The following ZFHX4 variants were observed in gnomAD, a reference collection of about 807,000 sequenced individuals.
ZFHX4 encodes the protein zinc finger homeobox protein 4.
A neutral mutation model predicts 267.6 loss-of-function variants in ZFHX4; 56 were observed. That is an observed-to-expected ratio of 0.21 (90% CI 0.17 to 0.26). The LOEUF (loss-of-function observed/expected upper bound fraction) is 0.26. Among genes scored for constraint, ZFHX4 ranks in the 10% least tolerant of loss-of-function variants. The pLI is 1.00. For missense variants in ZFHX4, 4,332 were observed against 4,420.0 expected, an observed-to-expected ratio of 0.98 and a Z score of 0.56; for synonymous variants, 1,778 against 1,665.6, an observed-to-expected ratio of 1.07 and a Z score of -1.64.
At chr8:76,719,560 A>G (rs956690534) in intron 3 of ZFHX4, among the ~76,000 whole-genome samples, 2 of 152,118 alleles carry the variant, frequency 1.3e-5, no homozygotes, top group Non-Finnish European at 2.9e-5. Flanking sequence ...ACCTTGGAGT[A>G]GATATGCTTT....
chr8:76,718,483 T>G (rs1463776264), intron 3 of ZFHX4, among the ~76,000 whole-genome samples: 1 of 152,154 alleles, frequency 6.6e-6, no homozygotes, highest in Non-Finnish European at 1.5e-5. Flanking sequence ...TTGGATGGAA[T>G]AGAAGTACCA....
intron 3 of ZFHX4, among the ~76,000 whole-genome samples, chr8:76,710,508 T>C (rs1367819134): frequency 2.0e-5 from 3 of 152,186 alleles, no homozygotes; most frequent in South Asian, 2.1e-4. Context: ...AAAATGATGG[T>C]GAAAATATTA....
At chr8:76,721,715 C>T (rs1585881833) in intron 3 of ZFHX4, among the ~76,000 whole-genome samples, 2 of 152,152 alleles carry the variant, frequency 1.3e-5, no homozygotes, top group South Asian at 4.1e-4. Context: ...TTCTGATTTG[C>T]AGAACTTTGA....
intron 4 of ZFHX4, among the ~76,000 whole-genome samples, chr8:76,808,204 A>G (rs1811291914): frequency 6.6e-6 from 1 of 152,126 alleles, no homozygotes; most frequent in African/African-American, 2.4e-5. Context: ...TTTACTAGTC[A>G]ATTGTTCAAA....
rs552710409 is a variant in ZFHX4 at position 76,848,882 on chromosome 8, G to A, written c.3512-113G>A. 9 of 1,010,708 alleles carry A rather than the reference G, an allele frequency of 8.9e-6. No homozygotes were observed. In the South Asian group the frequency reaches 1.4e-4, roughly 16 times the overall value. 62.6% of individuals were successfully genotyped at this position (1,010,708 alleles called of 1,614,324 possible). ...ATTAGCATTATTTAAAATGCTTGTCGGTTCTTTTTGTGATTCAGTGTGTTT... is the reference window on the plus strand; with the variant it reads ...ATTAGCATTATTTAAAATGCTTGTCAGTTCTTTTTGTGATTCAGTGTGTTT... On this transcript the variant is annotated intron_variant, in intron 6 of 10. Transcript: ENST00000651372.
At chr8:76,712,425 C>A (rs527725086) in intron 3 of ZFHX4, among the ~76,000 whole-genome samples, 3 of 151,638 alleles carry the variant, frequency 2.0e-5, no homozygotes, top group South Asian at 2.1e-4. Context: ...AAATAATAAC[C>A]CGATCAGTTT....
Position 76,851,862 on chromosome 8 carries a change from G to A in ZFHX4, c.4941G>A (p.Gln1647=). 6.2e-7 allele frequency: 1 copy of A among 1,613,960 alleles called. No individual in the cohort carries two copies. The highest frequency in any genetic ancestry group is 8.5e-7 in the Non-Finnish European group (1 of 1,179,868). ...SIAANVNSPG[Q]GMLDSMSLAA... ...CAGCAAATGTCAACAGCCCTGGCCA[G>A]GGGATGTTAGATTCCATGAGTTTAG... The change falls in exon 10 of 11, where the codon CAG becomes CAA. Residue 1647 remains glutamine (Q), a synonymous_variant. Transcript: ENST00000651372.
chr8:76,800,920 C>A (rs1811102092), intron 4 of ZFHX4, among the ~76,000 whole-genome samples: 1 of 152,130 alleles, frequency 6.6e-6, no homozygotes, highest in South Asian at 2.1e-4. Context: ...GCCTTCTAAG[C>A]CTTGGTGAGA....
intron 4 of ZFHX4, among the ~76,000 whole-genome samples, chr8:76,820,449 G>A (rs961052370): frequency 5.9e-5 from 9 of 152,086 alleles, no homozygotes; most frequent in Admixed American, 5.2e-4. Context: ...TTATGGCAGT[G>A]TGACTTCAGC....
At position 76,705,506 on chromosome 8, in the gene ZFHX4, A is replaced by T. The variant is rs1808233560; in HGVS notation, c.1418A>T (p.Asp473Val). 2 of 1,613,630 alleles carry T rather than the reference A, an allele frequency of 1.2e-6. No homozygotes were observed. The highest frequency in any genetic ancestry group is 1.3e-5 in the African/African-American group (1 of 74,946). ...KSEPTEPGDE[D>V]EEDAYSNELD... ...GAACCCACTGAACCGGGAGATGAGG[A>T]TGAAGAAGATGCGTACTCCAATGAA... is the stretch of plus-strand genomic sequence containing the variant. Residue 473 changes from aspartate (D) to valine (V), a missense_variant, in exon 2 of 11, where the codon GAT (aspartate) becomes GTT (valine). Asp to Val is a radical substitution (Grantham distance 152). This residue lies in a region of ZFHX4 where 1,195 missense variants were observed against 1,173.6 expected (regional missense o/e 1.02). Transcript: ENST00000651372.
chr8:76,826,622 C>T (rs1381539254), intron 4 of ZFHX4, among the ~76,000 whole-genome samples: 1 of 152,018 alleles, frequency 6.6e-6, no homozygotes, highest in Non-Finnish European at 1.5e-5. Context: ...TGTATGATTC[C>T]ACTAAAGCAG....
At chr8:76,844,500 C>A (rs1409718540) in intron 6 of ZFHX4, among the ~76,000 whole-genome samples, 3 of 152,086 alleles carry the variant, frequency 2.0e-5, no homozygotes, top group Admixed American at 2.0e-4. Context: ...AGGAAAGAAT[C>A]TGGCTTGGAA....
chr8:76,818,258 G>A (rs1466038939), intron 4 of ZFHX4, among the ~76,000 whole-genome samples: 3 of 151,928 alleles, frequency 2.0e-5, no homozygotes, highest in East Asian at 3.9e-4. Context: ...ATTTATTTTG[G>A]CATTGTCCTT....
chr8:76,749,887 G>T (rs1486287132), intron 3 of ZFHX4, among the ~76,000 whole-genome samples: 4 of 152,122 alleles, frequency 2.6e-5, no homozygotes, highest in African/African-American at 7.2e-5. Context: ...GCAAAAGGTT[G>T]ATTGCATTAT....
rs371150995 is a variant in ZFHX4 at position 76,706,573 on chromosome 8, A to G, written c.2485A>G (p.Ile829Val). Residue 829 changes from isoleucine (I) to valine (V), a missense_variant, in exon 2 of 11, where the codon ATA becomes GTA. Physicochemically the swap from Ile to Val is conservative, Grantham distance 29 (BLOSUM62 3). This residue lies in a region of ZFHX4 where 1,195 missense variants were observed against 1,173.6 expected (regional missense o/e 1.02). Coordinates refer to ENST00000651372, the MANE Select transcript of ZFHX4 (RefSeq NM_024721.5). ...TTATCAGTACTACCTAGCCCAGAAC[A>G]TAGGCCTGACCGGAATGAAGCTGGA... ...ELYQYYLAQN[I>V]GLTGMKLENP... The G allele has an allele frequency of 4.3e-6, 7 of 1,611,794 alleles. No individual in the cohort carries two copies. Among genetic ancestry groups the G allele is most frequent in the South Asian group, 1.1e-5 (1 of 90,638 alleles).
rs1048060854 is a variant in ZFHX4, at chr8:76,705,695, A to T, written c.1607A>T (p.Lys536Ile). 1 of 1,613,904 alleles carries T rather than the reference A, an allele frequency of 6.2e-7. No homozygotes were observed. The highest frequency in any genetic ancestry group is 8.5e-7 in the Non-Finnish European group (1 of 1,179,912). Residue 536 changes from lysine to isoleucine, a missense_variant, in exon 2 of 11, where the codon AAA (lysine) becomes ATA (isoleucine). Lys to Ile is a moderately radical substitution (Grantham distance 102). Coordinates refer to ENST00000651372, the MANE Select transcript of ZFHX4 (RefSeq NM_024721.5). ...ACTGTTTCTGATGACACAGAAAAGA[A>T]AAAACAGACTGCTGCTGTTAGGGCC... ...SATVSDDTEK[K>I]KQTAAVRASG...
At position 76,851,972 on chromosome 8, in the gene ZFHX4, C is replaced by A; in HGVS notation, c.5051C>A (p.Ala1684Glu). Residue 1684 changes from alanine to glutamate, a missense_variant, in exon 10 of 11, where the codon GCA becomes GAA. Around this residue, in one of 7 missense-constraint regions of ZFHX4, gnomAD observed 1,371 missense variants for 1,423.1 expected, o/e 0.96. Coordinates refer to ENST00000651372, the MANE Select transcript of ZFHX4 (RefSeq NM_024721.5). ...CCTGATTTAATCTCTGCTCAACCTG[C>A]ACATCACCCACCACAGTCACCAGCA... The part of the protein sequence containing the change: ...QTPDLISAQP[A>E]HHPPQSPAQI... 6.2e-7 allele frequency: 1 copy of A among 1,613,982 alleles called. No individual in the cohort carries two copies. The highest frequency in any genetic ancestry group is 8.5e-7 in the Non-Finnish European group (1 of 1,179,864).
At position 76,852,184 on chromosome 8, in the gene ZFHX4, G is replaced by T. The variant is rs757372232; in HGVS notation, c.5263G>T (p.Gly1755Cys). The T allele has an allele frequency of 6.2e-7, 1 of 1,613,814 alleles. No homozygotes were observed. Among genetic ancestry groups the T allele is most frequent in the Non-Finnish European group, 8.5e-7 (1 of 1,179,850 alleles). Reference sequence around the variant, plus strand: ...GGAGTTCAGCTTGGGGCCAGATTTGGGCTTGCCAGGCTCTGCCACATTTGG... The same window carrying T: ...GGAGTTCAGCTTGGGGCCAGATTTGTGCTTGCCAGGCTCTGCCACATTTGG... ...GTEFSLGPDL[G>C]LPGSATFGMP... Residue 1755 changes from glycine (G) to cysteine (C), a missense_variant, in exon 10 of 11, where the codon GGC becomes TGC. Transcript: ENST00000651372.
chr8:76,861,650 C>T (rs1005725344), intron 10 of ZFHX4, among the ~76,000 whole-genome samples: 1 of 151,398 alleles, frequency 6.6e-6, no homozygotes, highest in Non-Finnish European at 1.5e-5. Context: ...GAATGCTAAG[C>T]TTTCTCGGTT....
Sources: gnomAD v4.1 joint callset for allele counts (sites outside exome capture counted in the v4.1 genomes callset) on GRCh38, gnomAD v4.1.1 for gene constraint, gnomAD v4.1.1 regional missense constraint, MANE v1.5 for transcripts, NCBI Gene and HGNC (gene_info 2026-07-23, HGNC 2026-07-21) for gene names.